Variants in ARHGEF7 observed in about 807,000 individuals in gnomAD.
ARHGEF7 encodes the protein PAK-interacting exchange factor beta.
A neutral mutation model predicts 109.8 loss-of-function variants in ARHGEF7; 33 were observed. The observed-to-expected ratio is 0.30, with a 90% CI of 0.23 to 0.40. The LOEUF (loss-of-function observed/expected upper bound fraction) is 0.40, where lower values mean the gene tolerates loss of function less well. Ranked by LOEUF, ARHGEF7 falls within the 10% of genes least tolerant of loss-of-function variation. The pLI is 1.00. For missense variants in ARHGEF7, 938 were observed against 1,098.5 expected (o/e 0.85, Z 2.07); for synonymous variants, 458 against 424.6 (o/e 1.08, Z -0.97).
At chr13:111,142,051 TA>T (rs2075372479) in intron 1 of ARHGEF7, among the ~76,000 whole-genome samples, 1 of 152,274 alleles carries the variant, frequency 6.6e-6, no homozygotes, top group Admixed American at 6.5e-5. Context: ...CTCCTTGTTT[TA>T]ATTTACATTT....
chr13:111,160,219 T>C (rs1390140474), intron 2 of ARHGEF7, among the ~76,000 whole-genome samples: 1 of 152,208 alleles, frequency 6.6e-6, no homozygotes, highest in Non-Finnish European at 1.5e-5. Context: ...TGTGTCTGCT[T>C]TTATGCTAGT....
intron 2 of ARHGEF7, among the ~76,000 whole-genome samples, chr13:111,198,371 G>A (rs141495611): frequency 1.8e-4 from 27 of 152,286 alleles, no homozygotes; most frequent in Middle Eastern, 3.4e-3. Context: ...TCTTGGTCTC[G>A]CTGACTTCAA....
At chr13:111,147,902 T>C (rs1200390737) in intron 1 of ARHGEF7, among the ~76,000 whole-genome samples, 1 of 151,940 alleles carries the variant, frequency 6.6e-6, no homozygotes, top group African/African-American at 2.4e-5. Context: ...TTTCACCGTT[T>C]TAGCCGGGAT....
intron 1 of ARHGEF7, among the ~76,000 whole-genome samples, chr13:111,130,879 C>G (rs831160): frequency 0.99 from 150,836 of 152,280 alleles, 74,714 homozygotes; most frequent in Middle Eastern, 1. Flanking sequence ...TGCACCCCTA[C>G]ACAGAGGGGC....
At chr13:111,127,288 G>A (rs2153334842) in intron 1 of ARHGEF7, among the ~76,000 whole-genome samples, 1 of 152,136 alleles carries the variant, frequency 6.6e-6, no homozygotes, top group South Asian at 2.1e-4. Context: ...AAAATTCCAG[G>A]CCAGATAGTT....
chr13:111,227,356 T>C (rs918039484), intron 5 of ARHGEF7, among the ~76,000 whole-genome samples: 3 of 152,204 alleles, frequency 2.0e-5, no homozygotes, highest in Non-Finnish European at 2.9e-5. Context: ...CACACTTCAT[T>C]GTCTTGTTTC....
At chr13:111,283,086 G>A (rs1463493790) in intron 15 of ARHGEF7, 53 bp from the exon 16 acceptor site, 1 of 1,541,564 alleles carries the variant, frequency 6.5e-7, no homozygotes, top group Non-Finnish European at 8.8e-7. Flanking sequence ...CCCTTTCGCG[G>A]TGAGCACGCG....
intron 18 of ARHGEF7, among the ~76,000 whole-genome samples, chr13:111,291,560 G>C (rs2093286170): frequency 6.6e-6 from 1 of 152,252 alleles, no homozygotes; most frequent in Non-Finnish European, 1.5e-5. Context: ...GGTAAGTCCA[G>C]ACCCACTCTC....
At chr13:111,241,284 T>C (rs1400409966) in intron 6 of ARHGEF7, 6 of 1,536,084 alleles carry the variant, frequency 3.9e-6, no homozygotes, top group Non-Finnish European at 5.2e-6. Flanking sequence ...TGAGGTCTCA[T>C]GGGGTCCTGC....
chr13:111,275,932 G>A (rs534886433), intron 12 of ARHGEF7: 2 of 459,512 alleles, frequency 4.4e-6, no homozygotes, highest in East Asian at 9.0e-5. Context: ...GTGAACTGAA[G>A]GATAGATAGT....
chr13:111,161,803 A>G (rs1368570780), intron 2 of ARHGEF7, among the ~76,000 whole-genome samples: 1 of 152,190 alleles, frequency 6.6e-6, no homozygotes, highest in Non-Finnish European at 1.5e-5. Context: ...GACATCATAG[A>G]TACATGTAAT....
In ARHGEF7 at chr13:111,177,906, T is replaced by TG; in HGVS notation, c.252+23916dup. ...AAATGAAGCAGACAGTCATGACCAG[T>TG]GAGTGGGAACAGTGAAGCTTGAACT... On this transcript the variant is annotated intron_variant, in intron 2 of 21. Coordinates refer to ENST00000646102, the MANE Select transcript of ARHGEF7 (RefSeq NM_001354046.2). Among the ~76,000 whole-genome samples, 3 of 152,324 alleles carry TG rather than the reference T, an allele frequency of 2.0e-5. No homozygotes were observed. In the South Asian group the frequency reaches 6.2e-4, roughly 32 times the overall value.
chr13:111,291,252 A>G (rs1020845820), intron 18 of ARHGEF7, among the ~76,000 whole-genome samples: 3 of 152,276 alleles, frequency 2.0e-5, no homozygotes, highest in African/African-American at 4.8e-5. Context: ...GTGCCTGGCC[A>G]TGGGCAGTGC....
intron 1 of ARHGEF7, among the ~76,000 whole-genome samples, chr13:111,134,696 CT>C (rs2074998405): frequency 6.6e-6 from 1 of 152,134 alleles, no homozygotes; most frequent in African/African-American, 2.4e-5. Context: ...GATATTAGCC[CT>C]TTGTCAGATG....
In ARHGEF7 at chr13:111,137,396, A is replaced by G. The variant is rs187080081; in HGVS notation, c.166-16509A>G. Among the ~76,000 whole-genome samples the G allele has an allele frequency of 4.6e-5, 7 of 152,348 alleles. No individual in the cohort carries two copies. The East Asian group carries it at 1.4e-3, about 29-fold the overall frequency. ...GCCAGATGGTGTGCATGACCCTTGA[A>G]GCAGACAGGAGGCCACGGTGTCCTC... On this transcript the variant is annotated intron_variant, in intron 1 of 21. Coordinates refer to ENST00000646102, the MANE Select transcript of ARHGEF7 (RefSeq NM_001354046.2).
intron 2 of ARHGEF7, among the ~76,000 whole-genome samples, chr13:111,193,966 C>T (rs748634037): frequency 2.0e-5 from 3 of 152,130 alleles, no homozygotes; most frequent in Admixed American, 6.5e-5. Flanking sequence ...TCTGAGTAGG[C>T]GGTTGTCTGA....
intron 19 of ARHGEF7, chr13:111,294,346 G>A (rs1237843294): frequency 1.1e-5 from 11 of 985,444 alleles, no homozygotes; most frequent in Non-Finnish European, 1.3e-5. Context: ...GGCGTGGGTT[G>A]CCTGTGTCAT....
intron 4 of ARHGEF7, among the ~76,000 whole-genome samples, chr13:111,210,689 C>T (rs1172119177): frequency 6.6e-6 from 1 of 152,334 alleles, no homozygotes; most frequent in East Asian, 1.9e-4. Flanking sequence ...AGGGCTGCCA[C>T]TCTGCAGTCC....
At chr13:111,186,059 G>T (rs887503537) in intron 2 of ARHGEF7, among the ~76,000 whole-genome samples, 3 of 151,208 alleles carry the variant, frequency 2.0e-5, no homozygotes, top group African/African-American at 7.3e-5. Context: ...TGAGGTACGG[G>T]CTGTGTGGGC....
Sources: allele counts gnomAD v4.1 joint callset (sites outside exome capture counted in the v4.1 genomes callset), GRCh38; gene constraint gnomAD v4.1.1; transcripts MANE v1.5; gene names NCBI Gene and HGNC (gene_info 2026-07-23, HGNC 2026-07-21).